Variants in GNG4 observed in about 807,000 individuals in gnomAD.
GNG4 encodes guanine nucleotide-binding protein G(I)/G(S)/G(O) subunit gamma-4.
GNG4 carries 4 observed loss-of-function variants against 5.8 expected under a neutral mutation model. The ratio of observed to expected loss-of-function variants is 0.69; its 90% confidence interval spans 0.34 to 1.57. The LOEUF is 1.57. Among genes scored for constraint, GNG4 ranks in the 40% most tolerant of loss-of-function variants. The pLI is 0.06. For synonymous variants in GNG4, 29 were observed against 32.9 expected (o/e 0.88, Z 0.41); for missense variants, 96 against 95.1 (o/e 1.01, Z -0.04).
intron 1 of GNG4, among the ~76,000 whole-genome samples, chr1:235,619,992 G>A (rs953197449): frequency 1.3e-5 from 2 of 152,120 alleles, no homozygotes; most frequent in African/African-American, 2.4e-5. Context: ...AAATAATAGG[G>A]TGCTTTCTCT....
chr1:235,569,691 C>T (rs1687287449), intron 3 of GNG4, among the ~76,000 whole-genome samples: 1 of 151,818 alleles, frequency 6.6e-6, no homozygotes, highest in South Asian at 2.1e-4. Context: ...CCTCAGCCTC[C>T]CGAGTAGCTG....
intron 3 of GNG4, among the ~76,000 whole-genome samples, chr1:235,564,475 C>T (rs143516600): frequency 5.6e-4 from 85 of 152,244 alleles, no homozygotes; most frequent in African/African-American, 1.9e-3. Context: ...TTTATGTTTA[C>T]TCAGCCAGGG....
chr1:235,643,519 A>C (rs1657399887), intron 1 of GNG4, among the ~76,000 whole-genome samples: 1 of 152,220 alleles, frequency 6.6e-6, no homozygotes, highest in African/African-American at 2.4e-5. Flanking sequence ...CCCTGTCACC[A>C]GTGCCTAAAC....
In GNG4 at chr1:235,649,004, A is replaced by T. The variant is rs1657587427; in HGVS notation, c.-123+658T>A. Among the ~76,000 whole-genome samples, 1 of 152,182 alleles carries T rather than the reference A, an allele frequency of 6.6e-6. No individual in the cohort carries two copies. Among genetic ancestry groups the T allele is most frequent in the African/African-American group, 2.4e-5 (1 of 41,452 alleles). ...GCGTTATTTCCAAGGCAATTTAAAA[A>T]ATCAAGCCAAACAAAGCTCCCCGGT... On this transcript the variant is annotated intron_variant, in intron 1 of 3. Coordinates refer to ENST00000391854, the MANE Select transcript of GNG4 (RefSeq NM_001098722.2). This position sits in a 1 kb window ranked among gnomAD's most constrained non-coding sequence, Gnocchi z 5.7.
intron 1 of GNG4, among the ~76,000 whole-genome samples, chr1:235,605,965 G>GT (rs1300220292): frequency 7.5e-6 from 1 of 133,130 alleles, no homozygotes; most frequent in South Asian, 2.6e-4. Flanking sequence ...TGGGGGGGTG[G>GT]GTCTCACTGT....
intron 1 of GNG4, among the ~76,000 whole-genome samples, chr1:235,645,921 G>C (rs983565898): frequency 2.0e-5 from 3 of 152,096 alleles, no homozygotes; most frequent in South Asian, 2.1e-4. Context: ...CAGAAGACAA[G>C]GCCTTACAGC....
intron 3 of GNG4, among the ~76,000 whole-genome samples, chr1:235,553,434 A>G (rs553785392): frequency 2.0e-5 from 3 of 152,332 alleles, no homozygotes; most frequent in African/African-American, 7.2e-5. Flanking sequence ...CTTTTAGTAC[A>G]TTCAATGTCT....
chr1:235,587,559 A>G (rs2102946620), intron 2 of GNG4, among the ~76,000 whole-genome samples: 1 of 10,734 alleles, frequency 9.3e-5, no homozygotes, highest in Non-Finnish European at 2.1e-4. Flanking sequence ...TGGGGTTGTG[A>G]ATGTGGGAGG....
intron 2 of GNG4, among the ~76,000 whole-genome samples, chr1:235,593,652 G>A (rs554131738): frequency 6.6e-6 from 1 of 152,250 alleles, no homozygotes; most frequent in East Asian, 1.9e-4. Flanking sequence ...GTTCGGATAT[G>A]TTTGGAGTTT....
At chr1:235,611,896 C>T (rs1688484467) in intron 1 of GNG4, among the ~76,000 whole-genome samples, 1 of 151,728 alleles carries the variant, frequency 6.6e-6, no homozygotes, top group Admixed American at 6.6e-5. Flanking sequence ...GACCTCATCT[C>T]TACAAAAAAT....
chr1:235,606,200 TG>T (rs977501942), intron 1 of GNG4, among the ~76,000 whole-genome samples: 4 of 151,880 alleles, frequency 2.6e-5, no homozygotes, highest in African/African-American at 9.7e-5. Context: ...CTGAACATAG[TG>T]AAACCCCATC....
chr1:235,624,227 C>T (rs998696263), intron 1 of GNG4, among the ~76,000 whole-genome samples: 3 of 151,882 alleles, frequency 2.0e-5, no homozygotes, highest in African/African-American at 7.3e-5. Context: ...CTCAGCCCCC[C>T]GAGTAGCTGG....
intron 1 of GNG4, among the ~76,000 whole-genome samples, chr1:235,605,936 A>T (rs192818660): frequency 1.6e-5 from 2 of 121,332 alleles, no homozygotes; most frequent in African/African-American, 3.1e-5. Flanking sequence ...GTTACATTTT[A>T]TTTTTTTGAT....
At chr1:235,584,759 G>A (rs984900251) in intron 2 of GNG4, among the ~76,000 whole-genome samples, 3 of 152,210 alleles carry the variant, frequency 2.0e-5, no homozygotes, top group Non-Finnish European at 4.4e-5. Flanking sequence ...TGAGAGCTGG[G>A]GACAGGTCAC....
rs1686699336 is a variant in GNG4, at chr1:235,550,035, A to G, written c.*2074T>C. On this transcript the variant is annotated 3_prime_UTR_variant, in exon 4 of 4. Coordinates refer to ENST00000391854, the MANE Select transcript of GNG4 (RefSeq NM_001098722.2). ...CTATCACACAGCAAGTCTCTTTCAG[A>G]ACTAGGGAGAGAGGCAGTTTCCAAA... is the stretch of plus-strand genomic sequence containing the variant. The G allele has an allele frequency of 6.6e-6, 1 of 152,208 alleles. No individual in the cohort carries two copies. The highest frequency in any genetic ancestry group is 2.4e-5 in the African/African-American group (1 of 41,444). 9.4% of individuals were successfully genotyped at this position (152,208 alleles called of 1,614,324 possible).
intron 2 of GNG4, among the ~76,000 whole-genome samples, chr1:235,590,552 C>T (rs541100169): frequency 2.0e-4 from 30 of 152,288 alleles, no homozygotes; most frequent in South Asian, 4.1e-4. Flanking sequence ...AGCCGTCTTT[C>T]GGGAGCACTG....
chr1:235,632,327 T>G (rs1345763802), intron 1 of GNG4, among the ~76,000 whole-genome samples: 1 of 152,070 alleles, frequency 6.6e-6, no homozygotes, highest in Non-Finnish European at 1.5e-5. Context: ...GCTCAAGCGA[T>G]CTTCCCACCC....
intron 1 of GNG4, among the ~76,000 whole-genome samples, chr1:235,610,041 C>T (rs911758774): frequency 2.6e-5 from 4 of 152,136 alleles, no homozygotes; most frequent in Admixed American, 6.6e-5. Context: ...AATCCTCTAA[C>T]GCTATTCAGA....
chr1:235,618,144 T>C (rs746908979), intron 1 of GNG4, among the ~76,000 whole-genome samples: 7 of 152,118 alleles, frequency 4.6e-5, no homozygotes, highest in Non-Finnish European at 8.8e-5. Flanking sequence ...GCTACTTCCA[T>C]AAATAAAAGC....
Sources: allele counts gnomAD v4.1 joint callset (sites outside exome capture counted in the v4.1 genomes callset), GRCh38; gene constraint gnomAD v4.1.1; non-coding constraint Gnocchi (gnomAD v3.1); transcripts MANE v1.5; gene names NCBI Gene and HGNC (gene_info 2026-07-23, HGNC 2026-07-21).